CASC3: variants seen among roughly 807,000 people sequenced by gnomAD.
The protein encoded by CASC3 is protein CASC3.
A neutral mutation model predicts 80.5 loss-of-function variants in CASC3; 30 were observed. The ratio of observed to expected loss-of-function variants is 0.37; its 90% confidence interval spans 0.28 to 0.51. The LOEUF (loss-of-function observed/expected upper bound fraction) is 0.51, where lower values mean the gene tolerates loss of function less well. CASC3 is among the 20% of genes least tolerant of loss of function. The pLI, the probability that CASC3 is intolerant of heterozygous loss-of-function variation, is 0.94. For synonymous variants in CASC3, 312 were observed against 333.6 expected (o/e 0.94, Z 0.70); for missense variants, 824 against 922.2 (o/e 0.89, Z 1.38).
intron 1 of CASC3, 170 bp downstream of exon 1, chr17:40,140,949 G>C: frequency 1.5e-6 from 1 of 647,564 alleles, no homozygotes; most frequent in Non-Finnish European, 2.6e-6. Context: ...GGAGTTCCAA[G>C]GGAAGAAGAA....
Position 40,172,090 on chromosome 17 carries a change from G to GT in CASC3, c.*1691dup, listed in dbSNP as rs768723968. 2 of 1,289,856 alleles carry GT rather than the reference G, an allele frequency of 1.6e-6. No homozygotes were observed. The highest frequency in any genetic ancestry group is 1.1e-4 in the East Asian group (2 of 18,158). 79.9% of individuals were successfully genotyped at this position (1,289,856 alleles called of 1,614,324 possible). A position where few individuals can be genotyped will look rare whatever the true frequency, so the allele number is the denominator to read the frequency against. ...CAAGGATTTTTCCATGTGTGGTGGT[G>GT]TTTTTTGTTACTGTTTTAAAGGGTG... On this transcript the variant is annotated 3_prime_UTR_variant, in exon 14 of 14. Transcript: ENST00000264645.
At chr17:40,149,177 G>A (rs1451701890) in intron 3 of CASC3, among the ~76,000 whole-genome samples, 1 of 151,996 alleles carries the variant, frequency 6.6e-6, no homozygotes, top group African/African-American at 2.4e-5. Context: ...TGTCTGGCCA[G>A]GGTTTTGGTT....
chr17:40,144,838 A>G (rs1274048101), intron 3 of CASC3, among the ~76,000 whole-genome samples: 6 of 136,712 alleles, frequency 4.4e-5, no homozygotes, highest in Admixed American at 2.2e-4. Flanking sequence ...CACCATACCC[A>G]GCCAAAAAAA....
At chr17:40,156,513 C>T (rs1315143582) in intron 3 of CASC3, among the ~76,000 whole-genome samples, 2 of 151,808 alleles carry the variant, frequency 1.3e-5, no homozygotes, top group African/African-American at 2.4e-5. Context: ...GATGAAACCC[C>T]GTCTCTACTG....
intron 3 of CASC3, among the ~76,000 whole-genome samples, chr17:40,144,023 G>A (rs1447527257): frequency 6.6e-6 from 1 of 151,962 alleles, no homozygotes; most frequent in Non-Finnish European, 1.5e-5. Context: ...AGGCCGAGGC[G>A]GGTGAATCAC....
intron 3 of CASC3, among the ~76,000 whole-genome samples, chr17:40,154,459 C>T (rs1446657896): frequency 6.6e-6 from 1 of 151,452 alleles, no homozygotes; most frequent in African/African-American, 2.4e-5. Context: ...GTCTTGAACT[C>T]CTGACCTCAG....
At position 40,171,084 on chromosome 17, in the gene CASC3, T is replaced by A. The variant is rs528727883; in HGVS notation, c.*679T>A. On this transcript the variant is annotated 3_prime_UTR_variant, in exon 14 of 14. Coordinates refer to ENST00000264645, the MANE Select transcript of CASC3 (RefSeq NM_007359.5). ...CTCTAACCCTGTGGAAGCATGGCTG[T>A]CTGCACAGAGGGTCCCATTGTGCAG... The A allele has an allele frequency of 1.0e-6, 1 of 985,766 alleles. No individual in the cohort carries two copies. Among genetic ancestry groups the A allele is most frequent in the East Asian group, 1.1e-4 (1 of 8,950 alleles). The allele number at this position is 985,766 out of a possible 1,614,324, so 61.1% of individuals were successfully genotyped here.
chr17:40,153,633 C>T (rs1231478780), intron 3 of CASC3, among the ~76,000 whole-genome samples: 2 of 152,110 alleles, frequency 1.3e-5, no homozygotes, highest in Non-Finnish European at 2.9e-5. Flanking sequence ...TATGAGGGTT[C>T]CAGTTTCTCT....
chr17:40,158,590 C>T (rs1356934024), intron 3 of CASC3, among the ~76,000 whole-genome samples: 5 of 152,154 alleles, frequency 3.3e-5, no homozygotes, highest in African/African-American at 4.8e-5. Context: ...ACTAGCCACA[C>T]GTCCATTTCC....
At chr17:40,157,854 C>T (rs1989191893) in intron 3 of CASC3, among the ~76,000 whole-genome samples, 2 of 152,088 alleles carry the variant, frequency 1.3e-5, no homozygotes, top group Admixed American at 1.3e-4. Context: ...GTACTGTACT[C>T]TTACAATGAA....
chr17:40,157,962 C>T (rs1989194719), intron 3 of CASC3, among the ~76,000 whole-genome samples: 1 of 152,162 alleles, frequency 6.6e-6, no homozygotes, highest in Admixed American at 6.5e-5. Flanking sequence ...ATCATCTTTG[C>T]ATTGAGTAGA....
At chr17:40,150,421 T>TGC (rs1303705174) in intron 3 of CASC3, among the ~76,000 whole-genome samples, 1 of 147,194 alleles carries the variant, frequency 6.8e-6, no homozygotes, top group African/African-American at 2.5e-5. Context: ...TGTGCGTGTG[T>TGC]GTGTGTGTGT....
chr17:40,163,134 T>G (rs530168627), intron 6 of CASC3, among the ~76,000 whole-genome samples: 2 of 152,128 alleles, frequency 1.3e-5, no homozygotes, highest in East Asian at 1.9e-4. Flanking sequence ...TCTTTGCTTT[T>G]CTTTTTATTT....
chr17:40,158,423 T>G (rs577358402), intron 3 of CASC3, among the ~76,000 whole-genome samples: 1 of 152,158 alleles, frequency 6.6e-6, no homozygotes, highest in Non-Finnish European at 1.5e-5. Flanking sequence ...TAGACCACCT[T>G]TCCTTGAACC....
intron 11 of CASC3, chr17:40,169,117 G>A (rs1212445742): frequency 3.9e-6 from 2 of 517,132 alleles, no homozygotes; most frequent in Non-Finnish European, 6.7e-6. Context: ...AAGCTGGGCA[G>A]TACTTTGAAG....
At position 40,171,094 on chromosome 17, in the gene CASC3, G is replaced by C; in HGVS notation, c.*689G>C. The C allele has an allele frequency of 1.0e-6, 1 of 985,792 alleles. No homozygotes were observed. The highest frequency in any genetic ancestry group is 1.2e-6 in the Non-Finnish European group (1 of 829,948). The allele number at this position is 985,792 out of a possible 1,614,324, so 61.1% of individuals were successfully genotyped here. A position where few individuals can be genotyped will look rare whatever the true frequency, so the allele number is the denominator to read the frequency against. On this transcript the variant is annotated 3_prime_UTR_variant, in exon 14 of 14. Transcript: ENST00000264645. Reference sequence around the variant, plus strand: ...GTGGAAGCATGGCTGTCTGCACAGAGGGTCCCATTGTGCAGAAAAGCTCAG... The same window carrying C: ...GTGGAAGCATGGCTGTCTGCACAGACGGTCCCATTGTGCAGAAAAGCTCAG...
At chr17:40,151,763 C>T (rs1989015927) in intron 3 of CASC3, among the ~76,000 whole-genome samples, 1 of 151,548 alleles carries the variant, frequency 6.6e-6, no homozygotes, top group African/African-American at 2.4e-5. Flanking sequence ...CTCAAGCAAC[C>T]GCAAATCTAC....
Sources: gnomAD v4.1 joint callset for allele counts (sites outside exome capture counted in the v4.1 genomes callset) on GRCh38, gnomAD v4.1.1 for gene constraint, MANE v1.5 for transcripts, NCBI Gene and HGNC (gene_info 2026-07-23, HGNC 2026-07-21) for gene names.